Variants in SPATA16 observed in about 807,000 individuals in gnomAD.
The protein encoded by SPATA16 is spermatogenesis-associated protein 16.
A neutral mutation model predicts 63.3 loss-of-function variants in SPATA16; 36 were observed. That is an observed-to-expected ratio of 0.57 (90% CI 0.44 to 0.75). The LOEUF is 0.75. Among genes scored for constraint, SPATA16 ranks in the 30% least tolerant of loss-of-function variants. The probability of loss-of-function intolerance (pLI) is 0.00; values close to 1 mark genes in which losing one functional copy is unlikely to be tolerated. For synonymous variants in SPATA16, 203 were observed against 216.7 expected (o/e 0.94, Z 0.56); for missense variants, 646 against 679.3 (o/e 0.95, Z 0.54).
intron 2 of SPATA16, among the ~76,000 whole-genome samples, chr3:173,054,452 C>A (rs1736169672): frequency 6.6e-6 from 1 of 152,108 alleles, no homozygotes; most frequent in East Asian, 1.9e-4. Context: ...CACTATGCAA[C>A]CATAAAAAGG....
rs185180765 is a variant in SPATA16, at chr3:173,077,949, C to T, written c.613-28855G>A. Among the ~76,000 whole-genome samples the T allele has an allele frequency of 2.0e-5, 3 of 151,896 alleles. No homozygotes were observed. In the East Asian group the frequency reaches 5.8e-4, roughly 29 times the overall value. ...CCTTAATATTTTGGCTAGTCATATG[C>T]GAGGGAAGAAAACCCATGAGGAAAT... On this transcript the variant is annotated intron_variant, in intron 2 of 10. Transcript: ENST00000351008.
intron 4 of SPATA16, among the ~76,000 whole-genome samples, chr3:172,984,329 T>A (rs1434023710): frequency 6.6e-6 from 1 of 152,154 alleles, no homozygotes; most frequent in African/African-American, 2.4e-5. Flanking sequence ...GTAATAGTTG[T>A]TGCTCAGTAA....
chr3:172,979,412 A>C (rs1734246714), intron 4 of SPATA16, among the ~76,000 whole-genome samples: 1 of 152,222 alleles, frequency 6.6e-6, no homozygotes, highest in Non-Finnish European at 1.5e-5. Flanking sequence ...AAAATGTAAA[A>C]GATAATTCTG....
chr3:173,092,988 T>G (rs1737260033), intron 2 of SPATA16, among the ~76,000 whole-genome samples: 1 of 151,450 alleles, frequency 6.6e-6, no homozygotes, highest in Non-Finnish European at 1.5e-5. Flanking sequence ...TTGTAGCACT[T>G]TCCACAAATT....
chr3:173,009,217 C>T (rs1735005282), intron 4 of SPATA16, among the ~76,000 whole-genome samples: 1 of 152,198 alleles, frequency 6.6e-6, no homozygotes, highest in African/African-American at 2.4e-5. Flanking sequence ...AAACACTAAG[C>T]TCTTCAAATG....
chr3:173,080,943 G>A (rs2108313385), intron 2 of SPATA16, among the ~76,000 whole-genome samples: 1 of 152,258 alleles, frequency 6.6e-6, no homozygotes, highest in Non-Finnish European at 1.5e-5. Context: ...TTTCTCTGAA[G>A]GTACACTGTG....
At position 173,011,179 on chromosome 3, in the gene SPATA16, G is replaced by A. The variant is rs141524315; in HGVS notation, c.848+8307C>T. On this transcript the variant is annotated intron_variant, in intron 4 of 10. Coordinates refer to ENST00000351008, the MANE Select transcript of SPATA16 (RefSeq NM_031955.6). ...AAAATCAACAAAATACTGGCAAACT[G>A]AATCCAGCAGCACATCAAAAAGTTA... Among the ~76,000 whole-genome samples the A allele has an allele frequency of 5.5e-4, 83 of 152,260 alleles. 1 individual carries two copies. Among genetic ancestry groups the A allele is most frequent in the Non-Finnish European group, 1.1e-3 (73 of 68,014 alleles).
intron 2 of SPATA16, among the ~76,000 whole-genome samples, chr3:173,100,766 G>A (rs1165071018): frequency 6.6e-6 from 1 of 150,794 alleles, no homozygotes; most frequent in Non-Finnish European, 1.5e-5. Flanking sequence ...AGGTAAATAA[G>A]GGTAGCTACT....
At position 172,968,613 on chromosome 3, in the gene SPATA16, C is replaced by T. The variant is rs1733972516; in HGVS notation, c.933+8355G>A. Among the ~76,000 whole-genome samples, 2 of 152,126 alleles carry T rather than the reference C, an allele frequency of 1.3e-5. 1 individual carries two copies. The highest frequency in any genetic ancestry group is 4.1e-4 in the South Asian group (2 of 4,820). On this transcript the variant is annotated intron_variant, in intron 5 of 10. Transcript: ENST00000351008. ...TGGTTCAGGTTCTTGCCTCTCTCCC[C>T]CCTTTCTTCCCTTTCTTTCTAATGC... is the stretch of plus-strand genomic sequence containing the variant.
At chr3:173,059,802 C>G (rs1014373209) in intron 2 of SPATA16, among the ~76,000 whole-genome samples, 1 of 124,092 alleles carries the variant, frequency 8.1e-6, no homozygotes, top group Admixed American at 8.9e-5. Flanking sequence ...ATGAACTCCT[C>G]TGGATAAATG....
chr3:173,015,370 T>G (rs998976380), intron 4 of SPATA16, among the ~76,000 whole-genome samples: 2 of 152,196 alleles, frequency 1.3e-5, no homozygotes, highest in African/African-American at 4.8e-5. Flanking sequence ...AGCAGAAAAT[T>G]CTTTATCAAT....
chr3:172,936,717 A>T (rs1733003180), intron 6 of SPATA16, among the ~76,000 whole-genome samples: 1 of 151,432 alleles, frequency 6.6e-6, no homozygotes, highest in Admixed American at 6.6e-5. Context: ...TTATTTATTT[A>T]TTTTTTTTGA....
chr3:172,947,299 A>G (rs917265402), intron 6 of SPATA16, among the ~76,000 whole-genome samples: 1 of 151,700 alleles, frequency 6.6e-6, no homozygotes, highest in East Asian at 1.9e-4. Flanking sequence ...TAACTCTTCA[A>G]ATAAACTCTT....
intron 2 of SPATA16, among the ~76,000 whole-genome samples, chr3:173,108,736 AT>A (rs1008954473): frequency 2.0e-5 from 3 of 152,158 alleles, no homozygotes; most frequent in Non-Finnish European, 4.4e-5. Context: ...CAGGTGTACC[AT>A]TTTTTATTTT....
At chr3:172,892,522 C>T (rs2861041) in intron 10 of SPATA16, among the ~76,000 whole-genome samples, 76,737 of 152,056 alleles carry the variant, frequency 0.5, 20,714 homozygotes, top group South Asian at 0.66. Flanking sequence ...ATAAATGACA[C>T]GATATGCAGC....
chr3:172,893,355 T>C (rs1047421353), intron 10 of SPATA16, among the ~76,000 whole-genome samples: 1 of 152,096 alleles, frequency 6.6e-6, no homozygotes, highest in African/African-American at 2.4e-5. Context: ...AAGGCAGAGA[T>C]TGGGGTGATG....
intron 6 of SPATA16, among the ~76,000 whole-genome samples, chr3:172,943,611 A>C (rs1324622835): frequency 6.6e-6 from 1 of 152,120 alleles, no homozygotes; most frequent in Admixed American, 6.6e-5. Flanking sequence ...ATGGTGGCGC[A>C]TGCCTGTAAT....
chr3:172,893,259 GC>G (rs942833833), intron 10 of SPATA16, among the ~76,000 whole-genome samples: 12 of 152,292 alleles, frequency 7.9e-5, no homozygotes, highest in Non-Finnish European at 1.8e-4. Context: ...CTTAGGGTGG[GC>G]CCTAATCCAA....
intron 5 of SPATA16, among the ~76,000 whole-genome samples, chr3:172,962,194 A>G (rs1361147779): frequency 7.1e-6 from 1 of 140,900 alleles, no homozygotes; most frequent in Non-Finnish European, 1.5e-5. Context: ...TGGAGGTTGC[A>G]GTGAGCAGAG....
Sources: allele counts gnomAD v4.1 joint callset (sites outside exome capture counted in the v4.1 genomes callset), GRCh38; gene constraint gnomAD v4.1.1; transcripts MANE v1.5; gene names NCBI Gene and HGNC (gene_info 2026-07-23, HGNC 2026-07-21).